Variants in CAST observed in about 807,000 individuals in gnomAD.
CAST encodes the protein calpastatin.
Under a neutral mutation model 119.6 loss-of-function variants are expected in CAST, and 76 were observed. The ratio of observed to expected loss-of-function variants is 0.64; its 90% CI spans 0.53 to 0.77. The LOEUF (loss-of-function observed/expected upper bound fraction) is 0.77, where lower values mean the gene tolerates loss of function less well. Among genes scored for constraint, CAST ranks in the 30% least tolerant of loss-of-function variants. The probability of loss-of-function intolerance (pLI) is 0.00; values close to 1 mark genes in which losing one functional copy is unlikely to be tolerated. For synonymous variants in CAST, 319 were observed against 331.6 expected (o/e 0.96, Z 0.41); for missense variants, 953 against 946.5 (o/e 1.01, Z -0.09).
At chr5:96,660,213 C>T (rs1252072454), upstream of CAST, among the ~76,000 whole-genome samples, 1 of 152,112 alleles carries the variant, frequency 6.6e-6, no homozygotes, top group Non-Finnish European at 1.5e-5. Flanking sequence ...TCCTTCTGTT[C>T]ACACCTCACC....
chr5:96,476,234 G>A, the CAST span, among the ~76,000 whole-genome samples: 1 of 152,116 alleles, frequency 6.6e-6, no homozygotes, highest in African/African-American at 2.4e-5. Context: ...ACTAGAGAAA[G>A]TAAACTTAAT....
the CAST span, among the ~76,000 whole-genome samples, chr5:96,222,907 TA>T: frequency 6.6e-6 from 1 of 152,136 alleles, no homozygotes; most frequent in Non-Finnish European, 1.5e-5. Context: ...TATATATACA[TA>T]ATTGAATACT....
intron 1 of CAST, among the ~76,000 whole-genome samples, chr5:96,592,988 A>C (rs918577631): frequency 6.6e-6 from 1 of 152,042 alleles, no homozygotes; most frequent in East Asian, 1.9e-4. Context: ...GATGGTCTCG[A>C]TCTCCTGACC....
chr5:96,014,484 T>C, the CAST span, among the ~76,000 whole-genome samples: 1 of 152,204 alleles, frequency 6.6e-6, no homozygotes. Context: ...TAAAGTATCA[T>C]GTACTATACA....
chr5:96,228,619 G>A, the CAST span, among the ~76,000 whole-genome samples: 33 of 152,224 alleles, frequency 2.2e-4, no homozygotes, highest in African/African-American at 6.5e-4. Flanking sequence ...CTGTCTTTGC[G>A]TGAAAAGGCT....
At chr5:96,045,323 A>G in the CAST span, among the ~76,000 whole-genome samples, 1 of 151,778 alleles carries the variant, frequency 6.6e-6, no homozygotes, top group Non-Finnish European at 1.5e-5. Context: ...ATTGCACTCC[A>G]GCCTGGGTGA....
At chr5:96,624,968 G>C (rs1747690814) in intron 1 of CAST, among the ~76,000 whole-genome samples, 1 of 152,154 alleles carries the variant, frequency 6.6e-6, no homozygotes, top group South Asian at 2.1e-4. Flanking sequence ...GTTGCTATTT[G>C]TTGTGTGCAA....
chr5:96,264,418 A>G, the CAST span, among the ~76,000 whole-genome samples: 4 of 152,188 alleles, frequency 2.6e-5, no homozygotes, highest in Admixed American at 6.5e-5. Flanking sequence ...CCTAAATCAC[A>G]GTATTTCTGT....
the CAST span, among the ~76,000 whole-genome samples, chr5:96,186,240 CT>C: frequency 6.6e-6 from 1 of 152,112 alleles, no homozygotes; most frequent in Non-Finnish European, 1.5e-5. Context: ...GCTTAAGAAG[CT>C]TTTGGGCTGA....
At chr5:96,617,439 T>C (rs1747483077) in intron 1 of CAST, among the ~76,000 whole-genome samples, 1 of 152,186 alleles carries the variant, frequency 6.6e-6, no homozygotes, top group Non-Finnish European at 1.5e-5. Flanking sequence ...TTGGACATTA[T>C]TCACCTGAAG....
chr5:95,974,241 C>T, the CAST span, among the ~76,000 whole-genome samples: 1 of 152,296 alleles, frequency 6.6e-6, no homozygotes, highest in East Asian at 1.9e-4. Context: ...TATGATTCAT[C>T]CCACTTAAGA....
chr5:96,545,929 T>C (rs1746002785), intron 1 of CAST, among the ~76,000 whole-genome samples: 1 of 152,244 alleles, frequency 6.6e-6, no homozygotes, highest in African/African-American at 2.4e-5. Context: ...TTCCCTAGAC[T>C]TCTTTGTCAC....
chr5:96,345,139 A>G, the CAST span, among the ~76,000 whole-genome samples: 1 of 152,052 alleles, frequency 6.6e-6, no homozygotes, highest in Non-Finnish European at 1.5e-5. Flanking sequence ...GTCATGGGAG[A>G]TGATATCTAA....
At position 96,692,500 on chromosome 5, in the gene CAST, A is replaced by C. The variant is rs148924737; in HGVS notation, c.139-3336A>C. Among the ~76,000 whole-genome samples the C allele has an allele frequency of 2.9e-3, 436 of 152,308 alleles. 1 individual carries two copies. The highest frequency in any genetic ancestry group is 3.9e-3 in the Admixed American group (59 of 15,300). ...CATTTTGTTTCATCTCATACCATAC[A>C]TGCCTGTACCCAGCATGCTTTGGCT... On this transcript the variant is annotated intron_variant, in intron 2 of 31. Transcript: ENST00000675179.
intron 1 of CAST, chr5:96,585,116 G>A (rs1247504817): frequency 1.3e-5 from 2 of 152,194 alleles, no homozygotes; most frequent in African/African-American, 4.8e-5. Flanking sequence ...TAATATGTAA[G>A]TTGTGCTACA....
chr5:96,317,476 C>CAAAAAAA, the CAST span, among the ~76,000 whole-genome samples: 7 of 50,600 alleles, frequency 1.4e-4, no homozygotes, highest in African/African-American at 1.7e-4. Flanking sequence ...GACTCCATCT[C>CAAAAAAA]AAAAAAAAAA....
intron 1 of CAST, among the ~76,000 whole-genome samples, chr5:96,542,264 T>C (rs1255775657): frequency 6.7e-6 from 1 of 149,164 alleles, no homozygotes. Flanking sequence ...TGAGCCGAGA[T>C]CGCGCCACTG....
chr5:96,314,351 G>C, the CAST span, among the ~76,000 whole-genome samples: 1 of 152,110 alleles, frequency 6.6e-6, no homozygotes, highest in Non-Finnish European at 1.5e-5. Flanking sequence ...TTGATTATTT[G>C]TTGGGCCTTG....
chr5:96,448,744 C>G, the CAST span, among the ~76,000 whole-genome samples: 1 of 151,972 alleles, frequency 6.6e-6, no homozygotes, highest in East Asian at 1.9e-4. Context: ...GGCTAGTATA[C>G]TGGACCATAA....
Sources: allele counts gnomAD v4.1 joint callset (sites outside exome capture counted in the v4.1 genomes callset), GRCh38; gene constraint gnomAD v4.1.1; transcripts MANE v1.5; gene names NCBI Gene and HGNC (gene_info 2026-07-23, HGNC 2026-07-21).